Variants in CNBD1 observed in about 807,000 individuals in gnomAD.
CNBD1 encodes the protein cyclic nucleotide binding domain containing 1, also known as cyclic nucleotide-binding domain-containing protein 1.
CNBD1 carries 71 observed loss-of-function variants against 54.4 expected under a neutral mutation model. That is an observed-to-expected ratio of 1.30 (90% CI 1.08 to 1.59). The LOEUF (loss-of-function observed/expected upper bound fraction) is 1.59. Among genes scored for constraint, CNBD1 ranks in the 40% most tolerant of loss-of-function variants. CNBD1 has a pLI of 0.00. For missense variants in CNBD1, 659 were observed against 518.0 expected, an observed-to-expected ratio of 1.27 and a Z score of -2.64; for synonymous variants, 182 against 170.7, an observed-to-expected ratio of 1.07 and a Z score of -0.51.
intron 4 of CNBD1, among the ~76,000 whole-genome samples, chr8:87,161,389 G>T (rs1812854897): frequency 6.6e-6 from 1 of 152,102 alleles, no homozygotes; most frequent in African/African-American, 2.4e-5. Flanking sequence ...CTTGCAGATA[G>T]TTCTACCACA....
chr8:87,206,402 C>T (rs1255711943), intron 5 of CNBD1, among the ~76,000 whole-genome samples: 3 of 152,136 alleles, frequency 2.0e-5, no homozygotes, highest in African/African-American at 7.2e-5. Context: ...CATTGAGACC[C>T]ATATTGTCGG....
intron 2 of CNBD1, among the ~76,000 whole-genome samples, chr8:87,402,757 T>C (rs1288994251): frequency 6.6e-6 from 1 of 151,906 alleles, no homozygotes; most frequent in Non-Finnish European, 1.5e-5. Context: ...TTTAGGGAAG[T>C]GAAATGGAAA....
chr8:87,031,054 T>G (rs1809778585), intron 4 of CNBD1, among the ~76,000 whole-genome samples: 2 of 150,210 alleles, frequency 1.3e-5, no homozygotes, highest in Non-Finnish European at 3.0e-5. Context: ...TTTCTGATTA[T>G]GTTTCACAGT....
chr8:87,126,012 C>A (rs1321578705), intron 4 of CNBD1, among the ~76,000 whole-genome samples: 1 of 151,632 alleles, frequency 6.6e-6, no homozygotes, highest in East Asian at 1.9e-4. Context: ...TTTGTTCCTT[C>A]CTTTTTATTT....
At chr8:87,402,189 G>T (rs1366406416) in intron 2 of CNBD1, among the ~76,000 whole-genome samples, 1 of 151,852 alleles carries the variant, frequency 6.6e-6, no homozygotes, top group Non-Finnish European at 1.5e-5. Context: ...TGTTTTCACT[G>T]TCACGAGAAT....
intron 4 of CNBD1, among the ~76,000 whole-genome samples, chr8:87,171,929 G>A (rs564683454): frequency 1.3e-5 from 2 of 152,190 alleles, no homozygotes; most frequent in South Asian, 4.1e-4. Context: ...GAGCCACCGC[G>A]CCTGGGCTGA....
intron 4 of CNBD1, among the ~76,000 whole-genome samples, chr8:87,136,391 G>A (rs1367385805): frequency 6.7e-6 from 1 of 149,430 alleles, no homozygotes; most frequent in Non-Finnish European, 1.5e-5. Context: ...TAATGTGGAA[G>A]ATACAGGTAG....
intron 4 of CNBD1, among the ~76,000 whole-genome samples, chr8:87,071,551 T>A (rs1470284929): frequency 6.6e-6 from 1 of 152,108 alleles, no homozygotes; most frequent in Non-Finnish European, 1.5e-5. Flanking sequence ...TTCATTTATG[T>A]TTTCTCATTC....
At chr8:87,035,839 C>A (rs996520968) in intron 4 of CNBD1, among the ~76,000 whole-genome samples, 2 of 152,118 alleles carry the variant, frequency 1.3e-5, no homozygotes, top group African/African-American at 4.8e-5. Context: ...AGAACATGTC[C>A]TGTATTGCTA....
At chr8:87,207,155 A>G (rs762453490) in intron 5 of CNBD1, among the ~76,000 whole-genome samples, 4 of 152,144 alleles carry the variant, frequency 2.6e-5, no homozygotes, top group Non-Finnish European at 5.9e-5. Context: ...GGAATAAAGG[A>G]CAAACATTCA....
At chr8:86,958,719 T>C (rs540416554) in intron 4 of CNBD1, among the ~76,000 whole-genome samples, 1 of 152,328 alleles carries the variant, frequency 6.6e-6, no homozygotes, top group East Asian at 1.9e-4. Context: ...AGCCTATGTG[T>C]GTCTCTGCAC....
At chr8:87,108,885 AAAC>A (rs35663751) in intron 4 of CNBD1, among the ~76,000 whole-genome samples, 4,009 of 152,258 alleles carry the variant, frequency 0.026, 187 homozygotes, top group African/African-American at 0.089. Flanking sequence ...TATTATGGCC[AAAC>A]AACTCTCATG....
intron 8 of CNBD1, among the ~76,000 whole-genome samples, chr8:87,324,902 C>T (rs1742546523): frequency 9.1e-6 from 1 of 109,654 alleles, no homozygotes; most frequent in Non-Finnish European, 1.9e-5. Flanking sequence ...ATTAGGGTGT[C>T]AATTTTGGAT....
intron 4 of CNBD1, among the ~76,000 whole-genome samples, chr8:86,991,059 G>C (rs758381719): frequency 2.0e-5 from 3 of 152,052 alleles, no homozygotes; most frequent in Admixed American, 6.6e-5. Context: ...GAATTTATCA[G>C]TTCTGATAAT....
At chr8:87,170,725 G>T (rs1463808989) in intron 4 of CNBD1, among the ~76,000 whole-genome samples, 1 of 152,076 alleles carries the variant, frequency 6.6e-6, no homozygotes, top group Non-Finnish European at 1.5e-5. Context: ...ATCTTGAAGG[G>T]ATGTTGAATT....
intron 4 of CNBD1, among the ~76,000 whole-genome samples, chr8:87,072,936 AG>A (rs1810789032): frequency 6.6e-6 from 1 of 151,950 alleles, no homozygotes; most frequent in Non-Finnish European, 1.5e-5. Flanking sequence ...TGTCTCTTTC[AG>A]GCACCCCAAT....
At chr8:87,137,688 T>C (rs1338173656) in intron 4 of CNBD1, among the ~76,000 whole-genome samples, 4 of 152,110 alleles carry the variant, frequency 2.6e-5, no homozygotes. Flanking sequence ...GATTTATTGA[T>C]TTTTTTACTT....
intron 10 of CNBD1, among the ~76,000 whole-genome samples, chr8:87,355,365 G>T (rs1285871981): frequency 6.6e-6 from 1 of 151,978 alleles, no homozygotes; most frequent in Non-Finnish European, 1.5e-5. Context: ...TTATGTTTTT[G>T]GTTCAGGTCA....
chr8:87,428,437 A>G (rs1187477760), intron 2 of CNBD1: 12 of 302,986 alleles, frequency 4.0e-5, no homozygotes, highest in Non-Finnish European at 5.9e-5. Flanking sequence ...GGAAAATTTA[A>G]TTTTGTCTAC....
Sources: allele counts gnomAD v4.1 joint callset (sites outside exome capture counted in the v4.1 genomes callset), GRCh38; gene constraint gnomAD v4.1.1; transcripts MANE v1.5; gene names NCBI Gene and HGNC (gene_info 2026-07-23, HGNC 2026-07-21).